The following LMBR1 variants were observed in gnomAD, a reference collection of about 807,000 sequenced individuals.
The protein encoded by LMBR1 is limb development membrane protein 1, also known as limb region 1 protein homolog.
In LMBR1, 52 loss-of-function variants were observed where a neutral mutation model predicts 73.9. The observed-to-expected ratio is 0.70, with a 90% CI of 0.56 to 0.89. LMBR1 has a LOEUF of 0.89. Among genes scored for constraint, LMBR1 ranks in the 40% least tolerant of loss-of-function variants. LMBR1 has a pLI of 0.00. For synonymous variants in LMBR1, 215 were observed against 209.4 expected (o/e 1.03, Z -0.23); for missense variants, 539 against 579.8 (o/e 0.93, Z 0.72).
Position 156,777,001 on chromosome 7 carries a change from G to A in LMBR1, c.424-13206C>T, listed in dbSNP as rs969756132. On this transcript the variant is annotated intron_variant, in intron 5 of 16. Transcript: ENST00000353442. The stretch of plus-strand genomic sequence containing the variant: ...GGCTGGAGCGCAGTGGCACGATCTC[G>A]GCTCACCGCAAGCTCCGCTTCCTGG... Among the ~76,000 whole-genome samples, 4 of 150,812 alleles carry A rather than the reference G, an allele frequency of 2.7e-5. No individual in the cohort carries two copies. The East Asian group carries it at 5.9e-4, about 22-fold the overall frequency.
intron 15 of LMBR1, among the ~76,000 whole-genome samples, chr7:156,702,968 G>A (rs1268819357): frequency 6.6e-6 from 1 of 152,198 alleles, no homozygotes; most frequent in African/African-American, 2.4e-5. Flanking sequence ...TGTGGCCTGG[G>A]GCCAAAAATG....
In LMBR1 at chr7:156,826,632, G is replaced by C. The variant is rs1402673877; in HGVS notation, c.292C>G (p.Gln98Glu). Residue 98 changes from glutamine to glutamate, a missense_variant, in exon 4 of 17, where the codon CAG becomes GAG. Coordinates refer to ENST00000353442, the MANE Select transcript of LMBR1 (RefSeq NM_022458.4). ...LLSFPQNYYI[Q>E]WLNGSLIHGL... Reference sequence around the variant, plus strand: ...TGAATCAGGGAGCCATTTAGCCACTGAATATAGTAGTTCTGAGGAAAAGAA... The same window carrying C: ...TGAATCAGGGAGCCATTTAGCCACTCAATATAGTAGTTCTGAGGAAAAGAA... The C allele has an allele frequency of 3.2e-6, 5 of 1,583,222 alleles. No individual in the cohort carries two copies. The highest frequency in any genetic ancestry group is 1.7e-4 in the Middle Eastern group (1 of 6,014).
intron 1 of LMBR1, among the ~76,000 whole-genome samples, chr7:156,845,987 G>T (rs914230484): frequency 2.6e-4 from 40 of 151,698 alleles, no homozygotes; most frequent in African/African-American, 9.5e-4. Context: ...AACAAAACAG[G>T]AACAGTGGCT....
intron 15 of LMBR1, among the ~76,000 whole-genome samples, chr7:156,704,909 G>C (rs1209032983): frequency 1.3e-5 from 2 of 151,664 alleles, no homozygotes; most frequent in Admixed American, 6.6e-5. Context: ...CAAAAATAAA[G>C]AAAAAGGAAC....
intron 10 of LMBR1, among the ~76,000 whole-genome samples, chr7:156,731,847 G>A (rs1816881979): frequency 6.6e-6 from 1 of 151,154 alleles, no homozygotes; most frequent in South Asian, 2.1e-4. Context: ...ACAACTATGT[G>A]AGAAAACTAT....
rs1432704078 is a variant in LMBR1, at chr7:156,678,668, G to C, written c.*5410C>G. ...GGACTCAGCGGACAGGGAGAGCCCT[G>C]TCTGCTGCCCTCATTGTGTCTTCCT... On this transcript the variant is annotated 3_prime_UTR_variant, in exon 17 of 17. Coordinates refer to ENST00000353442, the MANE Select transcript of LMBR1 (RefSeq NM_022458.4). 6.6e-6 allele frequency: 1 copy of C among 152,152 alleles called. No individual in the cohort carries two copies. Among genetic ancestry groups the C allele is most frequent in the African/African-American group, 2.4e-5 (1 of 41,428 alleles). 9.4% of individuals were successfully genotyped at this position (152,152 alleles called of 1,614,324 possible). A position where few individuals can be genotyped will look rare whatever the true frequency, so the allele number is the denominator to read the frequency against.
chr7:156,892,749 G>A (rs1373005015), intron 1 of LMBR1, among the ~76,000 whole-genome samples, 179 bp downstream of exon 1: 1 of 130,616 alleles, frequency 7.7e-6, no homozygotes, highest in Non-Finnish European at 1.7e-5. Context: ...AGGAGAGGTG[G>A]GGAGGGAAGG....
At chr7:156,848,645 A>ATTTTTT (rs1795828352) in intron 1 of LMBR1, among the ~76,000 whole-genome samples, 1 of 152,166 alleles carries the variant, frequency 6.6e-6, no homozygotes, top group Non-Finnish European at 1.5e-5. Context: ...TAAAAGAGAA[A>ATTTTTT]TACTGGCTGG....
At chr7:156,840,981 A>AG (rs1554547407) in intron 1 of LMBR1, among the ~76,000 whole-genome samples, 7 of 150,648 alleles carry the variant, frequency 4.6e-5, no homozygotes, top group Non-Finnish European at 8.9e-5. Flanking sequence ...AAAAAAAAAA[A>AG]AAAGAAAAAG....
chr7:156,821,736 G>T lies in LMBR1; in HGVS notation c.319+4869C>A, dbSNP rs1192148211. Among the ~76,000 whole-genome samples, 3 of 152,112 alleles carry T rather than the reference G, an allele frequency of 2.0e-5. No individual in the cohort carries two copies. In the East Asian group the frequency reaches 5.8e-4, roughly 29 times the overall value. The stretch of plus-strand genomic sequence containing the variant: ...CAGAGGAAGATTTTAATAATTAAGT[G>T]GATAGGCTGACTGGCTCTGTGGATA... On this transcript the variant is annotated intron_variant, in intron 4 of 16. Transcript: ENST00000353442.
chr7:156,686,383 CA>C (rs199733420), intron 16 of LMBR1, among the ~76,000 whole-genome samples: 5 of 149,784 alleles, frequency 3.3e-5, no homozygotes, highest in Non-Finnish European at 5.9e-5. Flanking sequence ...AAAATCTCTA[CA>C]AAAAAAAAGA....
intron 15 of LMBR1, among the ~76,000 whole-genome samples, chr7:156,706,207 T>C (rs1309338883): frequency 8.3e-6 from 1 of 120,438 alleles, no homozygotes; most frequent in Non-Finnish European, 1.7e-5. Context: ...TAAAGGGACC[T>C]ATTCAGCAAG....
chr7:156,874,648 A>G (rs1190180660), intron 1 of LMBR1, among the ~76,000 whole-genome samples: 1 of 152,232 alleles, frequency 6.6e-6, no homozygotes, highest in Non-Finnish European at 1.5e-5. Flanking sequence ...CCCCAGTACC[A>G]GCCCTGCCTG....
At chr7:156,760,103 T>C (rs1344510406) in intron 8 of LMBR1, among the ~76,000 whole-genome samples, 1 of 152,100 alleles carries the variant, frequency 6.6e-6, no homozygotes, top group Non-Finnish European at 1.5e-5. Context: ...TGTGAAATAC[T>C]GATTAGGACT....
At chr7:156,834,645 T>C (rs990472435) in intron 2 of LMBR1, 10 of 192,632 alleles carry the variant, frequency 5.2e-5, no homozygotes, top group Non-Finnish European at 7.2e-5. Flanking sequence ...AAAAATTATA[T>C]ATAATATATA....
intron 1 of LMBR1, among the ~76,000 whole-genome samples, chr7:156,838,434 TAA>T (rs898561059): frequency 1.3e-5 from 2 of 152,312 alleles, no homozygotes; most frequent in Admixed American, 6.5e-5. Flanking sequence ...TCAACATTTT[TAA>T]ATTTCACATC....
At chr7:156,690,466 T>C (rs1379440339) in intron 15 of LMBR1, among the ~76,000 whole-genome samples, 1 of 152,150 alleles carries the variant, frequency 6.6e-6, no homozygotes, top group Non-Finnish European at 1.5e-5. Context: ...TACCATATAA[T>C]GAGAAGTCAG....
chr7:156,743,073 T>C (rs921217050), intron 9 of LMBR1, among the ~76,000 whole-genome samples: 12 of 152,028 alleles, frequency 7.9e-5, no homozygotes, highest in Non-Finnish European at 1.0e-4. Context: ...CTTTAGAAAA[T>C]TGGTACCTTG....
rs1815197877 is a variant in LMBR1 at position 156,724,116 on chromosome 7, T to G, written c.1221A>C (p.Thr407=). 1 of 1,609,046 alleles carries G rather than the reference T, an allele frequency of 6.2e-7. No homozygotes were observed. The highest frequency in any genetic ancestry group is 8.5e-7 in the Non-Finnish European group (1 of 1,177,240). ...LSSALPVMSR[T]LGITRFDLLG... ...AAATTTCTCACTGAAACTTACCCAG[T>G]GTTCTCGACATCACAGGCAGAGCAG... Residue 407 remains threonine, a synonymous_variant, in exon 15 of 17, where the codon ACA becomes ACC. Coordinates refer to ENST00000353442, the MANE Select transcript of LMBR1 (RefSeq NM_022458.4).
Sources: gnomAD v4.1 joint callset for allele counts (sites outside exome capture counted in the v4.1 genomes callset) on GRCh38, gnomAD v4.1.1 for gene constraint, MANE v1.5 for transcripts, NCBI Gene and HGNC (gene_info 2026-07-23, HGNC 2026-07-21) for gene names.